The following SFXN1 variants were observed in gnomAD, a reference collection of about 807,000 sequenced individuals.
SFXN1 encodes the protein sideroflexin 1.
Under a neutral mutation model 39.5 loss-of-function variants are expected in SFXN1, and 32 were observed. The ratio of observed to expected loss-of-function variants is 0.81; its 90% confidence interval spans 0.61 to 1.09. The LOEUF (loss-of-function observed/expected upper bound fraction) is 1.09, where lower values mean the gene tolerates loss of function less well. SFXN1 is among the 50% of genes least tolerant of loss of function. The pLI is 0.00. For synonymous variants in SFXN1, 136 were observed against 146.5 expected (o/e 0.93, Z 0.52); for missense variants, 402 against 407.1 (o/e 0.99, Z 0.11).
chr5:175,513,551 G>GT lies in SFXN1; in HGVS notation c.687dup (p.Val230CysfsTer76). 1 of 1,613,992 alleles carries GT rather than the reference G, an allele frequency of 6.2e-7. No individual in the cohort carries two copies. On this transcript the variant is annotated frameshift_variant, in exon 7 of 11. Transcript: ENST00000321442. LOFTEE classifies it high-confidence loss of function. ...CGCTGCGAAACAAGCCATCACGCAA[G>GT]TTGTCGTGTCCAGGATTCTCATGGC... is the stretch of plus-strand genomic sequence containing the variant.
At chr5:175,514,128 A>T (rs1760637200) in intron 7 of SFXN1, among the ~76,000 whole-genome samples, 1 of 151,990 alleles carries the variant, frequency 6.6e-6, no homozygotes, top group Admixed American at 6.6e-5. Flanking sequence ...GTGGGTTGAG[A>T]ATAGGCTGAA....
At chr5:175,490,823 G>A (rs1307770809) in intron 1 of SFXN1, among the ~76,000 whole-genome samples, 7 of 151,982 alleles carry the variant, frequency 4.6e-5, no homozygotes, top group East Asian at 3.9e-4. Flanking sequence ...AATGAACAGC[G>A]GCCACAAGGA....
intron 2 of SFXN1, among the ~76,000 whole-genome samples, chr5:175,508,701 G>A (rs1162835627): frequency 1.3e-5 from 2 of 151,922 alleles, no homozygotes; most frequent in Non-Finnish European, 1.5e-5. Flanking sequence ...GCAATGGTGC[G>A]ATCTTGGCTC....
chr5:175,513,777 T>C (rs558291917), intron 7 of SFXN1, 187 bp downstream of exon 7: 2 of 578,560 alleles, frequency 3.5e-6, no homozygotes, highest in East Asian at 7.0e-5. Context: ...AAGGGGGCAA[T>C]GGGGCTAGGG....
At chr5:175,524,125 A>AAT (rs771042074) in intron 10 of SFXN1, 73 of 32,484 alleles carry the variant, frequency 2.2e-3, no homozygotes, top group South Asian at 8.5e-3. Context: ...AAAAAAAAAA[A>AAT]ATATATATAT....
chr5:175,511,699 TCAC>T (rs1760522062), intron 5 of SFXN1, 173 bp downstream of exon 5: 2 of 621,322 alleles, frequency 3.2e-6, no homozygotes, highest in Non-Finnish European at 5.6e-6. Flanking sequence ...GGAAGAGTTG[TCAC>T]CAGTAACACC....
At chr5:175,509,527 T>A (rs1311832204) in intron 3 of SFXN1, 1 of 172,656 alleles carries the variant, frequency 5.8e-6, no homozygotes, top group East Asian at 1.5e-4. Context: ...CTTTTTTTTT[T>A]TAACCCTTCC....
chr5:175,511,419 G>A (rs1760508498), intron 4 of SFXN1, 32 bp from the exon 5 acceptor site: 12 of 1,575,376 alleles, frequency 7.6e-6, no homozygotes, highest in South Asian at 3.4e-5. Context: ...ACATGCCCTC[G>A]TCGTCCACAC....
intron 1 of SFXN1, among the ~76,000 whole-genome samples, chr5:175,490,891 C>T (rs546550607): frequency 1.3e-5 from 2 of 152,162 alleles, no homozygotes; most frequent in African/African-American, 4.8e-5. Context: ...ATGATATCAA[C>T]TAATTTTTTA....
In SFXN1 at chr5:175,526,739, G is replaced by A; in HGVS notation, c.*5G>A. 6.2e-7 allele frequency: 1 copy of A among 1,611,992 alleles called. No individual in the cohort carries two copies. Among genetic ancestry groups the A allele is most frequent in the Non-Finnish European group, 8.5e-7 (1 of 1,178,072 alleles). The stretch of plus-strand genomic sequence containing the variant: ...TACTTCAATAAGGGATTGTAAAGCA[G>A]GGAGGAAACCTCTGCAGCTCATTCT... On this transcript the variant is annotated 3_prime_UTR_variant, in exon 11 of 11. Coordinates refer to ENST00000321442, the MANE Select transcript of SFXN1 (RefSeq NM_022754.7).
At chr5:175,507,972 T>TTAAAATAAAAA (rs1409247390) in intron 2 of SFXN1, among the ~76,000 whole-genome samples, 5 of 73,688 alleles carry the variant, frequency 6.8e-5, no homozygotes, top group African/African-American at 4.2e-4. Context: ...GACCCTGTCT[T>TTAAAATAAAAA]TAAAAAAAAA....
chr5:175,500,084 G>A (rs555080230), intron 2 of SFXN1, among the ~76,000 whole-genome samples: 2 of 152,162 alleles, frequency 1.3e-5, no homozygotes, highest in Admixed American at 1.3e-4. Flanking sequence ...GCTACTTGGG[G>A]TGCTGAGGCA....
At chr5:175,500,633 C>G (rs922167549) in intron 2 of SFXN1, among the ~76,000 whole-genome samples, 1 of 152,014 alleles carries the variant, frequency 6.6e-6, no homozygotes, top group Admixed American at 6.6e-5. Flanking sequence ...CTACTTCTAA[C>G]GTTTATGTGG....
rs199873310 is a variant in SFXN1, at chr5:175,529,532, A to G, written c.*2798A>G. On this transcript the variant is annotated 3_prime_UTR_variant, in exon 11 of 11. Coordinates refer to ENST00000321442, the MANE Select transcript of SFXN1 (RefSeq NM_022754.7). ...TCTTTTAGAAATACCTTTTCTGGAG[A>G]AAAAAAAATCCACATGAAGTGCAAT... 3 of 105,782 alleles carry G rather than the reference A, an allele frequency of 2.8e-5. No homozygotes were observed. The highest frequency in any genetic ancestry group is 1.1e-4 in the Admixed American group (1 of 8,950). 6.6% of individuals were successfully genotyped at this position (105,782 alleles called of 1,614,324 possible).
chr5:175,506,068 T>C (rs1340418526), intron 2 of SFXN1, among the ~76,000 whole-genome samples: 3 of 152,210 alleles, frequency 2.0e-5, no homozygotes, highest in Non-Finnish European at 2.9e-5. Flanking sequence ...TCTGCCCGTC[T>C]CGGCCTCCCA....
chr5:175,519,274 G>A (rs1196682402), intron 8 of SFXN1, among the ~76,000 whole-genome samples: 1 of 152,234 alleles, frequency 6.6e-6, no homozygotes, highest in Non-Finnish European at 1.5e-5. Flanking sequence ...GTACAGTCAT[G>A]TGAGAAAATA....
intron 1 of SFXN1, among the ~76,000 whole-genome samples, chr5:175,479,879 T>C (rs1759166467): frequency 6.6e-6 from 1 of 152,196 alleles, no homozygotes; most frequent in Non-Finnish European, 1.5e-5. Context: ...CTCCCTTCTT[T>C]GTCCATCCCC....
chr5:175,480,168 G>A (rs527747000), intron 1 of SFXN1, among the ~76,000 whole-genome samples: 2 of 152,300 alleles, frequency 1.3e-5, no homozygotes, highest in Admixed American at 1.3e-4. Flanking sequence ...TTGGGTGGCC[G>A]AGGCGGGCGG....
At position 175,510,216 on chromosome 5, in the gene SFXN1, A is replaced by G. The variant is rs1468653068; in HGVS notation, c.434+9A>G. The G allele has an allele frequency of 2.5e-6, 4 of 1,598,526 alleles. No homozygotes were observed. The Admixed American group carries it at 5.1e-5, about 20-fold the overall frequency. On this transcript the variant is annotated intron_variant, in intron 4 of 10. Coordinates refer to ENST00000321442, the MANE Select transcript of SFXN1 (RefSeq NM_022754.7). ...GCACCCCTCACTGTCAAGTAAGGCT[A>G]CGAGAATTGACCACTCTCTGCAGTT...
Sources: gnomAD v4.1 joint callset for allele counts (sites outside exome capture counted in the v4.1 genomes callset) on GRCh38, gnomAD v4.1.1 for gene constraint, MANE v1.5 for transcripts, NCBI Gene and HGNC (gene_info 2026-07-23, HGNC 2026-07-21) for gene names.